Variants in UTRN observed in about 807,000 individuals in gnomAD.
The protein encoded by UTRN is utrophin.
Under a neutral mutation model 463.9 loss-of-function variants are expected in UTRN, and 283 were observed. The observed-to-expected ratio is 0.61, with a 90% CI of 0.55 to 0.67. The LOEUF is 0.67. Among genes scored for constraint, UTRN ranks in the 30% least tolerant of loss-of-function variants. The probability of loss-of-function intolerance (pLI) is 0.00; values close to 1 mark genes in which losing one functional copy is unlikely to be tolerated. For synonymous variants in UTRN, 1,442 were observed against 1,431.5 expected (o/e 1.01, Z -0.17); for missense variants, 3,922 against 4,084.3 (o/e 0.96, Z 1.08).
chr6:144,533,396 C>T (rs950758774), intron 43 of UTRN, 136 bp downstream of exon 43: 8 of 1,384,136 alleles, frequency 5.8e-6, no homozygotes, highest in African/African-American at 1.5e-5. Flanking sequence ...ACCTCCACTG[C>T]CCACGTTCTC....
rs762987023 is a variant in UTRN at position 144,421,909 on chromosome 6, C to T, written c.173C>T (p.Thr58Ile). 3.1e-6 allele frequency: 5 copies of T among 1,612,848 alleles called. No homozygotes were observed. Among genetic ancestry groups the T allele is most frequent in the African/African-American group, 2.7e-5 (2 of 74,846 alleles). Reference protein sequence around the residue: ...SGKPPINDMFTDLKDGRKLLD... With the variant: ...SGKPPINDMFIDLKDGRKLLD... ...AAACCACCCATCAATGATATGTTCA[C>T]AGACCTCAAAGATGGAAGGAAGCTA... The change falls in exon 4 of 75, where the codon ACA (threonine) becomes ATA (isoleucine). Residue 58 changes from threonine (T) to isoleucine (I), a missense_variant. By Grantham distance (89) the Thr-to-Ile change is moderately conservative. This residue lies in a region of UTRN where 264 missense variants were observed against 327.9 expected (regional missense o/e 0.81). Transcript: ENST00000367545.
intron 34 of UTRN, among the ~76,000 whole-genome samples, chr6:144,500,825 A>G (rs923751077): frequency 2.6e-5 from 4 of 152,240 alleles, no homozygotes; most frequent in African/African-American, 7.2e-5. Context: ...AAAGAATTGA[A>G]TGGAACATGA....
intron 50 of UTRN, among the ~76,000 whole-genome samples, chr6:144,559,932 A>G (rs1350740768): frequency 6.6e-6 from 1 of 152,162 alleles, no homozygotes; most frequent in Non-Finnish European, 1.5e-5. Flanking sequence ...CTAAATGGTA[A>G]TGCTCTTCAT....
At chr6:144,371,050 C>T (rs900088411) in intron 2 of UTRN, among the ~76,000 whole-genome samples, 1 of 152,220 alleles carries the variant, frequency 6.6e-6, no homozygotes, top group South Asian at 2.1e-4. Flanking sequence ...TCCCCTGACT[C>T]ATCCCTGCAA....
At chr6:144,608,161 T>G (rs1452794071) in intron 51 of UTRN, among the ~76,000 whole-genome samples, 2 of 152,186 alleles carry the variant, frequency 1.3e-5, no homozygotes, top group African/African-American at 4.8e-5. Context: ...CGGATTATCC[T>G]CCATAATGTG....
chr6:144,743,473 G>A (rs920942537), intron 54 of UTRN, among the ~76,000 whole-genome samples: 2 of 152,064 alleles, frequency 1.3e-5, no homozygotes, highest in African/African-American at 4.8e-5. Flanking sequence ...GATATACAGA[G>A]GCTCAACCTT....
chr6:144,735,450 G>A (rs1200943063), intron 54 of UTRN, among the ~76,000 whole-genome samples: 1 of 152,164 alleles, frequency 6.6e-6, no homozygotes, highest in Non-Finnish European at 1.5e-5. Flanking sequence ...GACGGCAGAT[G>A]GGGATGAGAT....
At chr6:144,666,231 T>C (rs956062067) in intron 51 of UTRN, among the ~76,000 whole-genome samples, 3 of 152,220 alleles carry the variant, frequency 2.0e-5, no homozygotes, top group Non-Finnish European at 4.4e-5. Context: ...CATCATTGCA[T>C]AGTGATCTAC....
chr6:144,431,082 T>C (rs558817487), intron 9 of UTRN, among the ~76,000 whole-genome samples: 1 of 152,324 alleles, frequency 6.6e-6, no homozygotes, highest in African/African-American at 2.4e-5. Flanking sequence ...CCTCTAAAAG[T>C]ATAGTTATTA....
At chr6:144,664,943 G>C (rs1020805924) in intron 51 of UTRN, among the ~76,000 whole-genome samples, 4 of 151,868 alleles carry the variant, frequency 2.6e-5, no homozygotes, top group African/African-American at 4.8e-5. Context: ...CAGTAATCCT[G>C]CTGAGCTCCT....
intron 53 of UTRN, among the ~76,000 whole-genome samples, chr6:144,717,854 C>G (rs1435655121): frequency 6.6e-6 from 1 of 151,876 alleles, no homozygotes; most frequent in East Asian, 1.9e-4. Flanking sequence ...TCAGGCTGGT[C>G]TCGAACTCCT....
At chr6:144,553,438 T>G (rs1799101579) in intron 48 of UTRN, among the ~76,000 whole-genome samples, 1 of 152,198 alleles carries the variant, frequency 6.6e-6, no homozygotes, top group Non-Finnish European at 1.5e-5. Context: ...TGTAGTTACG[T>G]TCCTCTTGGG....
chr6:144,750,057 C>A (rs1458320288), intron 55 of UTRN, among the ~76,000 whole-genome samples: 2 of 152,118 alleles, frequency 1.3e-5, no homozygotes, highest in Non-Finnish European at 2.9e-5. Flanking sequence ...TAGCTAAAAT[C>A]CTGACTAAAG....
chr6:144,739,177 A>G (rs911793666), intron 54 of UTRN, among the ~76,000 whole-genome samples: 2 of 152,104 alleles, frequency 1.3e-5, no homozygotes, highest in African/African-American at 4.8e-5. Flanking sequence ...ATTTCCTGAT[A>G]TTTTAGAAAG....
chr6:144,482,994 G>A (rs1344930106), intron 27 of UTRN, among the ~76,000 whole-genome samples: 6 of 151,808 alleles, frequency 4.0e-5, no homozygotes, highest in African/African-American at 9.7e-5. Context: ...TTTTATAGTA[G>A]TATGACTTTT....
intron 53 of UTRN, among the ~76,000 whole-genome samples, chr6:144,712,221 A>G: frequency 6.6e-6 from 1 of 152,180 alleles, no homozygotes; most frequent in East Asian, 1.9e-4. Context: ...TCAAGCTGTT[A>G]CTTGTGTGCA....
At position 144,539,291 on chromosome 6, in the gene UTRN, C is replaced by T. The variant is rs1797800195; in HGVS notation, c.6370-3C>T. On this transcript the variant is annotated splice_region_variant and splice_polypyrimidine_tract_variant and intron_variant, in intron 44 of 74. Transcript: ENST00000367545. ...AACCACACCTATCTTTTAACTTCTC[C>T]AGGACTTAACTCAAGAAATGGAAGT... is the stretch of plus-strand genomic sequence containing the variant. 6.2e-7 allele frequency: 1 copy of T among 1,606,378 alleles called. No individual in the cohort carries two copies. The highest frequency in any genetic ancestry group is 1.1e-5 in the South Asian group (1 of 89,650).
intron 50 of UTRN, among the ~76,000 whole-genome samples, chr6:144,569,565 T>C (rs1405382246): frequency 6.6e-6 from 1 of 152,200 alleles, no homozygotes; most frequent in African/African-American, 2.4e-5. Flanking sequence ...ATTGCTGCAA[T>C]ATGGAGATGT....
At chr6:144,782,320 G>GTT (rs1230396947) in intron 61 of UTRN, among the ~76,000 whole-genome samples, 197 bp downstream of exon 61, 1 of 152,066 alleles carries the variant, frequency 6.6e-6, no homozygotes, top group African/African-American at 2.4e-5. Context: ...AGAAAAGAAT[G>GTT]TACATCTTTC....
Sources: allele counts gnomAD v4.1 joint callset (sites outside exome capture counted in the v4.1 genomes callset), GRCh38; gene constraint gnomAD v4.1.1; regional missense constraint gnomAD v4.1.1; transcripts MANE v1.5; gene names NCBI Gene and HGNC (gene_info 2026-07-23, HGNC 2026-07-21).